PRDM14: variants seen among roughly 807,000 people sequenced by gnomAD.
PRDM14 encodes PR/SET domain 14, also known as PR domain zinc finger protein 14.
A neutral mutation model predicts 48.0 loss-of-function variants in PRDM14; 16 were observed. The observed-to-expected ratio is 0.33, with a 90% confidence interval of 0.23 to 0.51. PRDM14 has a LOEUF of 0.51. Among genes scored for constraint, PRDM14 ranks in the 20% least tolerant of loss-of-function variants. The probability of loss-of-function intolerance (pLI) is 0.97; values close to 1 mark genes in which losing one functional copy is unlikely to be tolerated. For synonymous variants in PRDM14, 264 were observed against 276.6 expected, an observed-to-expected ratio of 0.95 and a Z score of 0.45; for missense variants, 566 against 719.6, an observed-to-expected ratio of 0.79 and a Z score of 2.44.
At chr8:70,064,899 T>A (rs1312420483) in intron 5 of PRDM14, among the ~76,000 whole-genome samples, 1 of 151,410 alleles carries the variant, frequency 6.6e-6, no homozygotes, top group Non-Finnish European at 1.5e-5. Flanking sequence ...TCTTTTTTTT[T>A]TTTTGGAGAC....
Position 70,069,607 on chromosome 8 carries a change from T to G in PRDM14, c.254A>C (p.Gln85Pro). ...PPLLSPGLGLQREPLYDLPWY... is the reference protein window; with the variant it reads ...PPLLSPGLGLPREPLYDLPWY... Reference sequence around the variant, plus strand: ...GGGCAGATCGTAGAGAGGCTCCCTCTGTAGGCCCAGACCCGGGCTCAGCAA... The same window carrying G: ...GGGCAGATCGTAGAGAGGCTCCCTCGGTAGGCCCAGACCCGGGCTCAGCAA... The change falls in exon 2 of 8, where the codon CAG (glutamine) becomes CCG (proline). Residue 85 changes from glutamine to proline, a missense_variant. This residue lies in a region of PRDM14 where 410 missense variants were observed against 424.6 expected (regional missense o/e 0.97). Transcript: ENST00000276594. 6.3e-7 allele frequency: 1 copy of G among 1,586,418 alleles called. No individual in the cohort carries two copies. The highest frequency in any genetic ancestry group is 8.6e-7 in the Non-Finnish European group (1 of 1,166,844).
intron 5 of PRDM14, among the ~76,000 whole-genome samples, chr8:70,059,566 G>A (rs527647894): frequency 8.8e-4 from 133 of 151,942 alleles, no homozygotes; most frequent in Non-Finnish European, 1.6e-3. Flanking sequence ...CACCATGCCC[G>A]GCCGCCAAGA....
Position 70,069,867 on chromosome 8 carries a change from A to G in PRDM14, c.-7T>C. On this transcript the variant is annotated 5_prime_UTR_variant, in exon 2 of 8. Transcript: ENST00000276594. Reference sequence around the variant, plus strand: ...TTGGCCGGGGTAGAGCCATCCCGGGACCGCACGCTCGGCGGCTCTGCAGAA... The same window carrying G: ...TTGGCCGGGGTAGAGCCATCCCGGGGCCGCACGCTCGGCGGCTCTGCAGAA... 1 of 1,578,114 alleles carries G rather than the reference A, an allele frequency of 6.3e-7. No individual in the cohort carries two copies. Among genetic ancestry groups the G allele is most frequent in the African/African-American group, 1.3e-5 (1 of 74,284 alleles).
At chr8:70,058,509 C>T in intron 6 of PRDM14, 131 bp downstream of exon 6, 1 of 731,554 alleles carries the variant, frequency 1.4e-6, no homozygotes, top group Non-Finnish European at 2.4e-6. Flanking sequence ...CTATCCTCTC[C>T]TCCTTCAGAG....
rs1369118282 is a variant in PRDM14, at chr8:70,068,123, G to A, written c.912+107C>T. ...CAAACCACAGATATCTGCCCTGGAT[G>A]TCCTCTCTCTCTGACCAGGACTCTC... On this transcript the variant is annotated intron_variant, in intron 4 of 7. Coordinates refer to ENST00000276594, the MANE Select transcript of PRDM14 (RefSeq NM_024504.4). 3.2e-6 allele frequency: 4 copies of A among 1,247,260 alleles called. No homozygotes were observed. In the African/African-American group the frequency reaches 4.4e-5, roughly 14 times the overall value. The allele number at this position is 1,247,260 out of a possible 1,614,324, so 77.3% of individuals were successfully genotyped here. A position where few individuals can be genotyped will look rare whatever the true frequency, so the allele number is the denominator to read the frequency against.
At position 70,056,223 on chromosome 8, in the gene PRDM14, T is replaced by C. The variant is rs145055656; in HGVS notation, c.1387-822A>G. 7.5e-4 allele frequency among the ~76,000 whole-genome samples: 115 copies of C among 152,338 alleles called. No individual in the cohort carries two copies. In the Middle Eastern group the frequency reaches 0.014, roughly 18 times the overall value. ...GCTGTGAATAATTAATATTGTTTCT[T>C]GACCCTGGCAACTCCTCTCGAAACT... On this transcript the variant is annotated intron_variant, in intron 6 of 7. Coordinates refer to ENST00000276594, the MANE Select transcript of PRDM14 (RefSeq NM_024504.4).
At chr8:70,064,898 T>G (rs189065185) in intron 5 of PRDM14, among the ~76,000 whole-genome samples, 48 of 151,498 alleles carry the variant, frequency 3.2e-4, no homozygotes, top group African/African-American at 1.1e-3. Flanking sequence ...CTCTTTTTTT[T>G]TTTTTGGAGA....
At chr8:70,058,202 GT>G (rs1313539294) in intron 6 of PRDM14, among the ~76,000 whole-genome samples, 27 of 152,244 alleles carry the variant, frequency 1.8e-4, no homozygotes, top group Middle Eastern at 3.4e-3. Flanking sequence ...ACCTATACCT[GT>G]CAACACACCT....
intron 5 of PRDM14, among the ~76,000 whole-genome samples, chr8:70,064,441 C>T (rs745719689): frequency 6.6e-6 from 1 of 151,664 alleles, no homozygotes. Flanking sequence ...TCCAGAAGCA[C>T]GAGATACTAA....
chr8:70,064,821 G>T (rs1211630539), intron 5 of PRDM14, among the ~76,000 whole-genome samples: 1 of 147,690 alleles, frequency 6.8e-6, no homozygotes, highest in Non-Finnish European at 1.5e-5. Flanking sequence ...ACCACGCCTG[G>T]GCCATTTTTT....
rs1471867111 is a variant in PRDM14 at position 70,057,091 on chromosome 8, G to A, written c.1386+1549C>T. The stretch of plus-strand genomic sequence containing the variant: ...CGCCATTCTCCTGCCTCAGCCTCCC[G>A]AGTAGGTGGGACTACAGGTGCCCAC... On this transcript the variant is annotated intron_variant, in intron 6 of 7. Coordinates refer to ENST00000276594, the MANE Select transcript of PRDM14 (RefSeq NM_024504.4). Among the ~76,000 whole-genome samples the A allele has an allele frequency of 1.3e-4, 19 of 151,092 alleles. No individual in the cohort carries two copies. In the South Asian group the frequency reaches 3.0e-3, roughly 23 times the overall value.
chr8:70,058,573 C>A, intron 6 of PRDM14, 67 bp downstream of exon 6: 1 of 1,426,208 alleles, frequency 7.0e-7, no homozygotes, highest in South Asian at 1.2e-5. Context: ...AGGCAACTCC[C>A]CGTGTTCAGG....
At chr8:70,066,122 G>T in intron 5 of PRDM14, 113 bp downstream of exon 5, 1 of 1,181,550 alleles carries the variant, frequency 8.5e-7, no homozygotes, top group Non-Finnish European at 1.2e-6. Context: ...CTCTCGGTTA[G>T]TCCTCTGCAT....
intron 5 of PRDM14, among the ~76,000 whole-genome samples, chr8:70,066,003 G>A (rs551512192): frequency 6.6e-6 from 1 of 152,258 alleles, no homozygotes; most frequent in East Asian, 1.9e-4. Flanking sequence ...AGAAGAACAA[G>A]TCTTTATAAA....
intron 5 of PRDM14, among the ~76,000 whole-genome samples, chr8:70,059,510 T>A (rs1017458672): frequency 6.6e-6 from 1 of 152,038 alleles, no homozygotes; most frequent in African/African-American, 2.4e-5. Flanking sequence ...GATCTTGTGA[T>A]CCACCTGCCT....
chr8:70,068,543 G>C lies in PRDM14; in HGVS notation c.701-11C>G. On this transcript the variant is annotated splice_polypyrimidine_tract_variant and intron_variant, in intron 2 of 7. Coordinates refer to ENST00000276594, the MANE Select transcript of PRDM14 (RefSeq NM_024504.4). ...GAAGAGAATCAGATCCTAGCAAAAG[G>C]CAGGTTAAAACAATTTTTCATTAAA... The C allele has an allele frequency of 6.2e-7, 1 of 1,613,660 alleles. No individual in the cohort carries two copies.
intron 5 of PRDM14, 90 bp downstream of exon 5, chr8:70,066,145 G>T: frequency 7.2e-7 from 1 of 1,394,188 alleles, no homozygotes; most frequent in South Asian, 1.3e-5. Context: ...GCCTTTAGGA[G>T]GGAGGAGCTG....
intron 5 of PRDM14, among the ~76,000 whole-genome samples, chr8:70,065,376 G>A (rs934198619): frequency 1.3e-5 from 2 of 152,052 alleles, no homozygotes; most frequent in Non-Finnish European, 2.9e-5. Context: ...CTAAACTTCA[G>A]TGTATATAGA....
Position 70,058,676 on chromosome 8 carries a change from G to A in PRDM14, c.1350C>T (p.His450=). 6.2e-7 allele frequency: 1 copy of A among 1,614,084 alleles called. No homozygotes were observed. The highest frequency in any genetic ancestry group is 1.1e-5 in the South Asian group (1 of 91,084). The change falls in exon 6 of 8, where the codon CAC becomes CAT. Residue 450 remains histidine, a synonymous_variant. Transcript: ENST00000276594. ...GGTGCTTCTCATGAACATGAAGAAT[G>A]TGGATCCGAAGCCGGTCCCGCTTCT... ...SFEKRDRLRI[H]ILHVHEKHRP...
Sources: gnomAD v4.1 joint callset for allele counts (sites outside exome capture counted in the v4.1 genomes callset) on GRCh38, gnomAD v4.1.1 for gene constraint, gnomAD v4.1.1 regional missense constraint, MANE v1.5 for transcripts, NCBI Gene and HGNC (gene_info 2026-07-23, HGNC 2026-07-21) for gene names.